The following PDE3B variants were observed in gnomAD, a reference collection of about 807,000 sequenced individuals.
PDE3B encodes the protein phosphodiesterase 3B.
A neutral mutation model predicts 116.8 loss-of-function variants in PDE3B; 66 were observed. The observed-to-expected ratio is 0.56, with a 90% CI of 0.46 to 0.69. The LOEUF is 0.69. Among genes scored for constraint, PDE3B ranks in the 30% least tolerant of loss-of-function variants. The pLI, the probability that PDE3B is intolerant of heterozygous loss-of-function variation, is 0.00. For synonymous variants in PDE3B, 595 were observed against 533.6 expected, an observed-to-expected ratio of 1.12 and a Z score of -1.59; for missense variants, 1,384 against 1,368.1, an observed-to-expected ratio of 1.01 and a Z score of -0.18.
chr11:14,850,041 A>G (rs1471284307), intron 12 of PDE3B, among the ~76,000 whole-genome samples: 1 of 152,142 alleles, frequency 6.6e-6, no homozygotes, highest in Non-Finnish European at 1.5e-5. Context: ...ATGCACACGT[A>G]TGTTTATTGC....
At chr11:14,687,497 G>A (rs1854910887) in intron 1 of PDE3B, among the ~76,000 whole-genome samples, 1 of 152,246 alleles carries the variant, frequency 6.6e-6, no homozygotes, top group Admixed American at 6.5e-5. Flanking sequence ...ATAGAACTAT[G>A]TTTATTTAAT....
chr11:14,838,841 A>G (rs901555820), intron 11 of PDE3B, among the ~76,000 whole-genome samples: 3 of 152,334 alleles, frequency 2.0e-5, no homozygotes, highest in African/African-American at 7.2e-5. Flanking sequence ...AGCAACTGGC[A>G]GTGGCTCTAA....
the PDE3B span, among the ~76,000 whole-genome samples, chr11:14,887,880 G>C: frequency 1.3e-5 from 2 of 152,090 alleles, no homozygotes; most frequent in Non-Finnish European, 2.9e-5. Flanking sequence ...GCAGGTGACC[G>C]GTCTAAGTCA....
At chr11:14,891,647 C>T in the PDE3B span, 5 of 1,149,854 alleles carry the variant, frequency 4.3e-6, no homozygotes, top group Non-Finnish European at 4.3e-6. Flanking sequence ...TGCGTCCACC[C>T]TGGACCTGAA....
At chr11:14,694,900 A>G (rs1012156927) in intron 1 of PDE3B, among the ~76,000 whole-genome samples, 8 of 152,200 alleles carry the variant, frequency 5.3e-5, no homozygotes, top group Non-Finnish European at 1.2e-4. Context: ...ATGGTTTTAA[A>G]TTGAGGCACA....
At chr11:14,722,050 A>G (rs1856122724) in intron 1 of PDE3B, among the ~76,000 whole-genome samples, 1 of 151,838 alleles carries the variant, frequency 6.6e-6, no homozygotes, top group Non-Finnish European at 1.5e-5. Context: ...TCAGCAAACT[A>G]TCGCCAGGAC....
rs532750139 is a variant in PDE3B, at chr11:14,789,344, A to G, written c.1415+102A>G. The G allele has an allele frequency of 3.8e-5, 34 of 891,900 alleles. No individual in the cohort carries two copies. In the Admixed American group the frequency reaches 4.4e-4, roughly 12 times the overall value. 55.2% of individuals were successfully genotyped at this position (891,900 alleles called of 1,614,324 possible). On this transcript the variant is annotated intron_variant, in intron 4 of 15. Coordinates refer to ENST00000282096, the MANE Select transcript of PDE3B (RefSeq NM_000922.4). ...TTCTGGAAGCAGAAAGGAATGGTTG[A>G]AGTATTTTAGGTATAGGACAACATG...
intron 1 of PDE3B, among the ~76,000 whole-genome samples, chr11:14,736,317 G>C (rs915494707): frequency 3.3e-5 from 5 of 152,190 alleles, no homozygotes; most frequent in African/African-American, 1.2e-4. Flanking sequence ...TTAAAAGCTG[G>C]TTGAAGTGAG....
At chr11:14,783,231 C>G (rs903094686) in intron 2 of PDE3B, among the ~76,000 whole-genome samples, 3 of 152,202 alleles carry the variant, frequency 2.0e-5, no homozygotes, top group African/African-American at 7.2e-5. Flanking sequence ...ACTAGAAATA[C>G]CATTTGACCC....
At chr11:14,894,355 G>T in the PDE3B span, among the ~76,000 whole-genome samples, 3 of 152,164 alleles carry the variant, frequency 2.0e-5, no homozygotes, top group Non-Finnish European at 4.4e-5. Context: ...TGAGGCACCA[G>T]GAGCTGAGGA....
intron 1 of PDE3B, among the ~76,000 whole-genome samples, chr11:14,742,377 G>C (rs1856798628): frequency 6.6e-6 from 1 of 152,078 alleles, no homozygotes; most frequent in African/African-American, 2.4e-5. Flanking sequence ...GATGAGTTCA[G>C]CTATCGATAC....
intron 1 of PDE3B, among the ~76,000 whole-genome samples, chr11:14,684,032 T>C (rs888339284): frequency 6.6e-6 from 1 of 152,208 alleles, no homozygotes; most frequent in Non-Finnish European, 1.5e-5. Context: ...GAACATACTT[T>C]GTATGATTTC....
At chr11:14,660,145 G>A (rs1853846358) in intron 1 of PDE3B, among the ~76,000 whole-genome samples, 1 of 152,098 alleles carries the variant, frequency 6.6e-6, no homozygotes, top group Admixed American at 6.5e-5. Context: ...GAGCCATTCT[G>A]GAAGACAGAG....
chr11:14,857,646 C>T (rs181237094), intron 12 of PDE3B, among the ~76,000 whole-genome samples: 77 of 152,256 alleles, frequency 5.1e-4, no homozygotes, highest in Middle Eastern at 6.8e-3. Flanking sequence ...GACCTTCCCC[C>T]CTCCGCCCAT....
At chr11:14,863,399 G>A (rs1457367946) in intron 14 of PDE3B, among the ~76,000 whole-genome samples, 1 of 152,118 alleles carries the variant, frequency 6.6e-6, no homozygotes, top group Non-Finnish European at 1.5e-5. Flanking sequence ...GGCATAAGAG[G>A]TTATCCCATT....
chr11:14,767,051 C>T (rs980339481), intron 1 of PDE3B, among the ~76,000 whole-genome samples: 1 of 151,480 alleles, frequency 6.6e-6, no homozygotes, highest in Non-Finnish European at 1.5e-5. Flanking sequence ...CAGCAATAGT[C>T]TATCTTTTTT....
At chr11:14,678,142 T>A (rs1476344631) in intron 1 of PDE3B, among the ~76,000 whole-genome samples, 1 of 152,182 alleles carries the variant, frequency 6.6e-6, no homozygotes, top group Non-Finnish European at 1.5e-5. Context: ...TTGGCTAGGC[T>A]GGTTTTGAAC....
chr11:14,840,541 C>T (rs79979397), intron 11 of PDE3B, among the ~76,000 whole-genome samples: 1 of 152,218 alleles, frequency 6.6e-6, no homozygotes, highest in African/African-American at 2.4e-5. Flanking sequence ...AATACCTCTT[C>T]CTTAATCCAT....
chr11:14,898,024 G>A, the PDE3B span, among the ~76,000 whole-genome samples: 3 of 152,204 alleles, frequency 2.0e-5, no homozygotes, highest in African/African-American at 7.2e-5. Flanking sequence ...CCTCATATGT[G>A]GTTAGACACA....
Sources: gnomAD v4.1 joint callset for allele counts (sites outside exome capture counted in the v4.1 genomes callset) on GRCh38, gnomAD v4.1.1 for gene constraint, MANE v1.5 for transcripts, NCBI Gene and HGNC (gene_info 2026-07-23, HGNC 2026-07-21) for gene names.